The following TDRD12 variants were observed in gnomAD, a reference collection of about 807,000 sequenced individuals.
TDRD12 encodes the protein tudor domain containing 12, also known as putative ATP-dependent RNA helicase TDRD12.
A neutral mutation model predicts 133.5 loss-of-function variants in TDRD12; 158 were observed. The observed-to-expected ratio is 1.18, with a 90% CI of 1.04 to 1.35. TDRD12 has a LOEUF of 1.35. Ranked by LOEUF, TDRD12 falls within the 40% of genes most tolerant of loss-of-function variation. The probability of loss-of-function intolerance (pLI) is 0.00; values close to 1 mark genes in which losing one functional copy is unlikely to be tolerated. For synonymous variants in TDRD12, 460 were observed against 477.9 expected, an observed-to-expected ratio of 0.96 and a Z score of 0.49; for missense variants, 1,443 against 1,321.3, an observed-to-expected ratio of 1.09 and a Z score of -1.43.
intron 2 of TDRD12, 121 bp from the exon 3 acceptor site, chr19:32,738,735 C>G: frequency 9.2e-7 from 1 of 1,083,266 alleles, no homozygotes; most frequent in Non-Finnish European, 1.3e-6. Flanking sequence ...ATTGCTTGAA[C>G]CTGGGAGGTG....
At chr19:32,764,897 TTAAAC>T (rs369100150) in intron 8 of TDRD12, among the ~76,000 whole-genome samples, 5,413 of 152,142 alleles carry the variant, frequency 0.036, 187 homozygotes, top group East Asian at 0.081. Flanking sequence ...TGGGATCTAA[TTAAAC>T]TAAAGAGCTT....
In TDRD12 at chr19:32,817,955, G is replaced by A. The variant is rs1690379882; in HGVS notation, c.3315-134G>A. 4.5e-6 allele frequency: 3 copies of A among 664,910 alleles called. No individual in the cohort carries two copies. In the Admixed American group the frequency reaches 6.7e-5, roughly 15 times the overall value. 41.2% of individuals were successfully genotyped at this position (664,910 alleles called of 1,614,324 possible). ...TCTGTAGGGCCTGGTAGCTTTAGAA[G>A]CAGGCCTCTGTCTCAAAAAAAAAAA... On this transcript the variant is annotated intron_variant, in intron 26 of 27. Coordinates refer to ENST00000444215, the Ensembl canonical transcript of TDRD12.
intron 6 of TDRD12, among the ~76,000 whole-genome samples, chr19:32,752,990 C>T (rs1599859843): frequency 6.6e-6 from 1 of 151,908 alleles, no homozygotes; most frequent in African/African-American, 2.4e-5. Context: ...GACGGGGTTT[C>T]ACTGTGCTAG....
At chr19:32,818,849 T>C (rs1053749362) in intron 27 of TDRD12, among the ~76,000 whole-genome samples, 2 of 151,382 alleles carry the variant, frequency 1.3e-5, no homozygotes, top group African/African-American at 4.9e-5. Flanking sequence ...ACCCAGCGAG[T>C]GAGGACCAAG....
At chr19:32,788,705 C>G (rs1317581996) in intron 11 of TDRD12, among the ~76,000 whole-genome samples, 1 of 152,056 alleles carries the variant, frequency 6.6e-6, no homozygotes. Context: ...TCATGCAGTC[C>G]TTGATTGTCT....
chr19:32,826,344 A>G (rs576842865), exon 8 of TDRD12: 5 of 1,327,604 alleles, frequency 3.8e-6, no homozygotes, highest in Non-Finnish European at 3.9e-6. Flanking sequence ...TTTAAGGGAT[A>G]GAGTCGTTTT....
At chr19:32,821,417 A>T (rs1295568952), downstream of TDRD12, among the ~76,000 whole-genome samples, 2 of 142,004 alleles carry the variant, frequency 1.4e-5, no homozygotes, top group African/African-American at 5.1e-5. Flanking sequence ...TGTGCGTGTG[A>T]ACCACACCCA....
chr19:32,796,567 A>AC (rs1971234668), intron 14 of TDRD12, among the ~76,000 whole-genome samples: 2 of 151,866 alleles, frequency 1.3e-5, no homozygotes, highest in Non-Finnish European at 2.9e-5. Context: ...CCTGGGCAAG[A>AC]AGAGCCAAAC....
At chr19:32,757,113 C>G (rs1253133686) in exon 8 of TDRD12, 1 of 1,551,510 alleles carries the variant, frequency 6.4e-7, no homozygotes, top group Non-Finnish European at 8.7e-7. Flanking sequence ...GACCTCAGGC[C>G]AACAGCCACA....
chr19:32,807,267 TAAAAAAAAAAAAA>T (rs59421213), intron 21 of TDRD12, among the ~76,000 whole-genome samples: 211 of 47,216 alleles, frequency 4.5e-3, no homozygotes, highest in African/African-American at 0.023. Flanking sequence ...ACCAAACTCT[TAAAAAAAAAAAAA>T]AAAAAAAAAA....
rs57494485 is a variant in TDRD12, at chr19:32,809,977, G to A, written c.2653-116G>A. ...GCTTCCTAGTTTTTTCTAAATCCAC[G>A]TTGCTAAGCTTTGGTTTCTTAGGTT... On this transcript the variant is annotated intron_variant, in intron 22 of 27. Transcript: ENST00000444215. 3.0e-3 allele frequency: 1,795 copies of A among 592,196 alleles called. 24 individuals carry two copies. Among genetic ancestry groups the A allele is most frequent in the African/African-American group, 0.028 (1,448 of 52,162 alleles). The allele number at this position is 592,196 out of a possible 1,614,324, so 36.7% of individuals were successfully genotyped here. A position where few individuals can be genotyped will look rare whatever the true frequency, so the allele number is the denominator to read the frequency against.
rs571563743 is a variant in TDRD12, at chr19:32,815,726, T to G, written c.3314+106T>G. On this transcript the variant is annotated intron_variant, in intron 26 of 27. Transcript: ENST00000444215. ...AAGTAGAAGAGTTGGCTGGGTGCGG[T>G]GGCTCACACCTGTAATCCCAGCACT... The G allele has an allele frequency of 2.0e-4, 231 of 1,130,298 alleles. No individual in the cohort carries two copies. In the African/African-American group the frequency reaches 3.4e-3, roughly 17 times the overall value. 70.0% of individuals were successfully genotyped at this position (1,130,298 alleles called of 1,614,324 possible). A position where few individuals can be genotyped will look rare whatever the true frequency, so the allele number is the denominator to read the frequency against.
intron 21 of TDRD12, 137 bp downstream of exon 21, chr19:32,803,279 C>G (rs572323930): frequency 6.5e-5 from 41 of 628,772 alleles, no homozygotes; most frequent in Non-Finnish European, 1.0e-4. Context: ...TTCCCTCGCA[C>G]TCTTCCCCAC....
intron 11 of TDRD12, among the ~76,000 whole-genome samples, chr19:32,780,547 T>G (rs1481436352): frequency 6.6e-6 from 1 of 152,140 alleles, no homozygotes; most frequent in Non-Finnish European, 1.5e-5. Context: ...CAGTGAGTGG[T>G]GAGAACGCAG....
chr19:32,772,850 G>T, exon 9 of TDRD12: 1 of 1,413,610 alleles, frequency 7.1e-7, no homozygotes, highest in Non-Finnish European at 9.4e-7. Flanking sequence ...ATACAAATAA[G>T]GTTGTATTTT....
chr19:32,802,577 G>A (rs1249935644), intron 19 of TDRD12, 79 bp from the exon 20 acceptor site: 3 of 1,465,966 alleles, frequency 2.0e-6, no homozygotes, highest in African/African-American at 1.4e-5. Flanking sequence ...ATGCACTGCA[G>A]TGTGGCCGTG....
At chr19:32,787,664 A>C (rs1970947687) in intron 11 of TDRD12, among the ~76,000 whole-genome samples, 1 of 152,118 alleles carries the variant, frequency 6.6e-6, no homozygotes, top group Non-Finnish European at 1.5e-5. Flanking sequence ...ACCCCTCCCC[A>C]CACCAAGCTC....
At chr19:32,741,663 C>A (rs941202629) in intron 3 of TDRD12, among the ~76,000 whole-genome samples, 1 of 152,170 alleles carries the variant, frequency 6.6e-6, no homozygotes, top group Non-Finnish European at 1.5e-5. Context: ...CTTTCCCTAA[C>A]CTGTCTGAGA....
At chr19:32,807,672 T>C in intron 22 of TDRD12, 24 bp downstream of exon 22, 14 of 1,452,560 alleles carry the variant, frequency 9.6e-6, no homozygotes, top group Non-Finnish European at 1.3e-5. Context: ...AAGATGCTTG[T>C]GTCCTCTGAC....
Sources: gnomAD v4.1 joint callset for allele counts (sites outside exome capture counted in the v4.1 genomes callset) on GRCh38, gnomAD v4.1.1 for gene constraint, MANE v1.5 for transcripts, NCBI Gene and HGNC (gene_info 2026-07-23, HGNC 2026-07-21) for gene names.